CNTNAP2: variants seen among roughly 807,000 people sequenced by gnomAD.
CNTNAP2 encodes contactin associated protein 2.
CNTNAP2 carries 98 observed loss-of-function variants against 155.2 expected under a neutral mutation model. That is an observed-to-expected ratio of 0.63 (90% CI 0.54 to 0.75). The LOEUF is 0.75. Among genes scored for constraint, CNTNAP2 ranks in the 30% least tolerant of loss-of-function variants. CNTNAP2 has a pLI of 0.00. For missense variants in CNTNAP2, 1,727 were observed against 1,688.1 expected, an observed-to-expected ratio of 1.02 and a Z score of -0.40; for synonymous variants, 651 against 631.2, an observed-to-expected ratio of 1.03 and a Z score of -0.47.
At chr7:148,180,573 G>T (rs2116702923) in intron 18 of CNTNAP2, among the ~76,000 whole-genome samples, 1 of 152,182 alleles carries the variant, frequency 6.6e-6, no homozygotes, top group East Asian at 1.9e-4. Context: ...ATTGAATAGG[G>T]ACTTACCAAC....
At chr7:146,804,053 ATAAATCC>A (rs1802926065) in intron 2 of CNTNAP2, among the ~76,000 whole-genome samples, 1 of 152,166 alleles carries the variant, frequency 6.6e-6, no homozygotes, top group Non-Finnish European at 1.5e-5. Context: ...TTTCCCCGAG[ATAAATCC>A]GTAGAAGTAG....
At chr7:147,278,799 C>T (rs192332003) in intron 8 of CNTNAP2, among the ~76,000 whole-genome samples, 1,768 of 151,236 alleles carry the variant, frequency 0.012, 16 homozygotes, top group Non-Finnish European at 0.016. Flanking sequence ...TCAGTCTTTT[C>T]GTATAATGTT....
At chr7:146,997,656 T>C (rs1247012267) in intron 3 of CNTNAP2, among the ~76,000 whole-genome samples, 2 of 152,108 alleles carry the variant, frequency 1.3e-5, no homozygotes, top group East Asian at 3.9e-4. Context: ...TCTGGTAGAA[T>C]TCAGCAGTGA....
In CNTNAP2 at chr7:146,838,445, G is replaced by A. The variant is rs760339034; in HGVS notation, c.209-1266G>A. On this transcript the variant is annotated intron_variant, in intron 2 of 23. Coordinates refer to ENST00000361727, the MANE Select transcript of CNTNAP2 (RefSeq NM_014141.6). Reference sequence around the variant, plus strand: ...CAATTCTCCTGCCTCAGCCTTCCCAGTAGCTGGGATTACAGGCACCTGCCA... The same window carrying A: ...CAATTCTCCTGCCTCAGCCTTCCCAATAGCTGGGATTACAGGCACCTGCCA... Among the ~76,000 whole-genome samples, 5 of 152,208 alleles carry A rather than the reference G, an allele frequency of 3.3e-5. No individual in the cohort carries two copies. In the South Asian group the frequency reaches 8.3e-4, roughly 25 times the overall value.
chr7:146,514,944 C>G (rs184598453), intron 1 of CNTNAP2, among the ~76,000 whole-genome samples: 1 of 152,132 alleles, frequency 6.6e-6, no homozygotes, highest in Admixed American at 6.6e-5. Flanking sequence ...TCACCTCAAT[C>G]CTAGGTTTGC....
At chr7:148,249,395 C>T (rs540933907) in intron 20 of CNTNAP2, among the ~76,000 whole-genome samples, 1 of 152,332 alleles carries the variant, frequency 6.6e-6, no homozygotes, top group Admixed American at 6.5e-5. Flanking sequence ...TTCTCTCCTT[C>T]CTGACCTCCT....
rs112074446 is a variant in CNTNAP2 at position 146,479,473 on chromosome 7, T to G, written c.98-294798T>G. Among the ~76,000 whole-genome samples, 913 of 152,280 alleles carry G rather than the reference T, an allele frequency of 6.0e-3. 9 individuals carry two copies. The highest frequency in any genetic ancestry group is 0.02 in the African/African-American group (841 of 41,566). On this transcript the variant is annotated intron_variant, in intron 1 of 23. Coordinates refer to ENST00000361727, the MANE Select transcript of CNTNAP2 (RefSeq NM_014141.6). ...ATATCACATAAATTTATAACAGTTTTATGAATTTAAAACAGTTGCTTTATT... is the reference window on the plus strand; with the variant it reads ...ATATCACATAAATTTATAACAGTTTGATGAATTTAAAACAGTTGCTTTATT...
chr7:148,410,408 A>G (rs1379689150), intron 23 of CNTNAP2, among the ~76,000 whole-genome samples: 1 of 152,108 alleles, frequency 6.6e-6, no homozygotes. Flanking sequence ...CATCTCTAAA[A>G]ATACAAAAGT....
intron 15 of CNTNAP2, among the ~76,000 whole-genome samples, chr7:148,036,800 C>CTCCATAAAATTTTATTCCATTTTAT (rs1330332488): frequency 3.3e-5 from 5 of 152,102 alleles, no homozygotes; most frequent in African/African-American, 4.8e-5. Context: ...TATTACCTAA[C>CTCCATAAAATTTTATTCCATTTTAT]TCCATAAAAT....
At chr7:146,314,577 A>G (rs1239632412) in intron 1 of CNTNAP2, among the ~76,000 whole-genome samples, 1 of 152,134 alleles carries the variant, frequency 6.6e-6, no homozygotes, top group African/African-American at 2.4e-5. Context: ...TTGCAAGTTT[A>G]AAAGTCACCT....
chr7:147,805,206 G>A (rs1798071151), intron 13 of CNTNAP2, among the ~76,000 whole-genome samples: 1 of 151,902 alleles, frequency 6.6e-6, no homozygotes, highest in Non-Finnish European at 1.5e-5. Context: ...TGAGTAGCTG[G>A]GATTACCAGC....
chr7:146,814,227 C>G (rs1249604588), intron 2 of CNTNAP2, among the ~76,000 whole-genome samples: 3 of 152,046 alleles, frequency 2.0e-5, no homozygotes, highest in African/African-American at 7.2e-5. Context: ...TAGTTTCTAA[C>G]AGATCTGGAA....
chr7:148,247,651 A>ATTT (rs1299873575), intron 20 of CNTNAP2, among the ~76,000 whole-genome samples: 1 of 121,620 alleles, frequency 8.2e-6, no homozygotes. Flanking sequence ...TTATTTATTT[A>ATTT]TTTATTTATT....
intron 1 of CNTNAP2, among the ~76,000 whole-genome samples, chr7:146,673,020 C>T (rs1444529203): frequency 1.3e-5 from 2 of 151,992 alleles, no homozygotes; most frequent in African/African-American, 2.4e-5. Flanking sequence ...TATCAAAATT[C>T]TTCCTGGTTG....
At chr7:148,383,239 A>G (rs1197975165) in intron 21 of CNTNAP2, among the ~76,000 whole-genome samples, 2 of 147,708 alleles carry the variant, frequency 1.4e-5, no homozygotes, top group Non-Finnish European at 3.0e-5. Context: ...TAAGTAAGAG[A>G]TCTAAAACAG....
intron 21 of CNTNAP2, among the ~76,000 whole-genome samples, chr7:148,343,059 C>T (rs1400266061): frequency 6.6e-6 from 1 of 152,206 alleles, no homozygotes; most frequent in Non-Finnish European, 1.5e-5. Context: ...CACAGCACTC[C>T]CTGCTTGAGA....
chr7:147,572,349 C>T (rs576037862), intron 12 of CNTNAP2, among the ~76,000 whole-genome samples: 2 of 148,802 alleles, frequency 1.3e-5, no homozygotes, highest in East Asian at 3.9e-4. Flanking sequence ...GAGGCCTACA[C>T]CACAGGAGAG....
intron 1 of CNTNAP2, among the ~76,000 whole-genome samples, chr7:146,174,341 A>G (rs533372723): frequency 6.6e-6 from 1 of 152,124 alleles, no homozygotes; most frequent in East Asian, 2.0e-4. Context: ...ACCTAAATTC[A>G]ACTCATTTAA....
intron 1 of CNTNAP2, among the ~76,000 whole-genome samples, chr7:146,572,780 A>T (rs922220513): frequency 7.9e-5 from 12 of 151,942 alleles, no homozygotes; most frequent in African/African-American, 2.9e-4. Context: ...AAGATATAGT[A>T]CATTTGTTTT....
Sources: gnomAD v4.1 joint callset for allele counts (sites outside exome capture counted in the v4.1 genomes callset) on GRCh38, gnomAD v4.1.1 for gene constraint, MANE v1.5 for transcripts, NCBI Gene and HGNC (gene_info 2026-07-23, HGNC 2026-07-21) for gene names.